The following NWD2 variants were observed in gnomAD, a reference collection of about 807,000 sequenced individuals.
NWD2 encodes the protein NACHT and WD repeat domain containing 2.
NWD2 carries 37 observed loss-of-function variants against 132.7 expected under a neutral mutation model. That is an observed-to-expected ratio of 0.28 (90% CI 0.21 to 0.37). The LOEUF is 0.37. NWD2 is among the 10% of genes least tolerant of loss of function. The pLI, the probability that NWD2 is intolerant of heterozygous loss-of-function variation, is 1.00. For synonymous variants in NWD2, 705 were observed against 803.0 expected, an observed-to-expected ratio of 0.88 and a Z score of 2.06; for missense variants, 1,592 against 2,122.4, an observed-to-expected ratio of 0.75 and a Z score of 4.91.
intron 1 of NWD2, among the ~76,000 whole-genome samples, chr4:37,257,857 A>G (rs2109257858): frequency 6.6e-6 from 1 of 152,364 alleles, no homozygotes; most frequent in East Asian, 1.9e-4. Context: ...TCAAAAAGCT[A>G]CCTACCAAAA....
At chr4:37,434,830 GA>G (rs1712274553) in intron 5 of NWD2, among the ~76,000 whole-genome samples, 1 of 149,884 alleles carries the variant, frequency 6.7e-6, no homozygotes, top group Non-Finnish European at 1.5e-5. Flanking sequence ...GATGAGGATA[GA>G]AGTTGGGCAC....
rs1433490541 is a variant in NWD2, at chr4:37,443,900, G to A, written c.1912G>A (p.Val638Ile). ...CGATGAATCCTCCCTCTCTGTCACC[G>A]TTCATGAAAGTATAGAGCAGTTATT... ...DVDESSLSVT[V>I]HESIEQLFWS... Residue 638 changes from valine (V) to isoleucine (I), a missense_variant, in exon 7 of 7, where the codon GTT (valine) becomes ATT (isoleucine). Coordinates refer to ENST00000309447, the MANE Select transcript of NWD2 (RefSeq NM_001144990.2). The surrounding 1 kb of genome is among the most constrained non-coding windows in gnomAD (Gnocchi z 4.1). 6.8e-5 allele frequency: 106 copies of A among 1,552,334 alleles called. No individual in the cohort carries two copies. The highest frequency in any genetic ancestry group is 7.8e-5 in the Non-Finnish European group (90 of 1,147,144).
At chr4:37,250,441 G>A (rs1295835735) in intron 1 of NWD2, among the ~76,000 whole-genome samples, 1 of 152,156 alleles carries the variant, frequency 6.6e-6, no homozygotes, top group Non-Finnish European at 1.5e-5. Context: ...GTGATTTCTT[G>A]AGCAAGTTGC....
chr4:37,427,889 T>C (rs1712052098), intron 3 of NWD2, among the ~76,000 whole-genome samples: 1 of 152,212 alleles, frequency 6.6e-6, no homozygotes, highest in Non-Finnish European at 1.5e-5. Flanking sequence ...GAATTGAGTA[T>C]TGCTCACAAA....
chr4:37,339,183 C>T (rs370536854), intron 2 of NWD2, among the ~76,000 whole-genome samples: 5 of 152,302 alleles, frequency 3.3e-5, no homozygotes, highest in Middle Eastern at 3.4e-3. Flanking sequence ...GTTACATCAT[C>T]CTTCTCCCAT....
At chr4:37,304,962 A>C (rs1363908996) in intron 1 of NWD2, among the ~76,000 whole-genome samples, 4 of 152,194 alleles carry the variant, frequency 2.6e-5, no homozygotes, top group African/African-American at 9.6e-5. Context: ...GAGGTTCTCC[A>C]TGAGGGCCCC....
chr4:37,388,843 C>A (rs1720625407), intron 3 of NWD2, among the ~76,000 whole-genome samples: 1 of 150,816 alleles, frequency 6.6e-6, no homozygotes, highest in Admixed American at 6.6e-5. Context: ...TTTCCATTAC[C>A]CCAGACACTC....
At chr4:37,249,540 C>T (rs1009351735) in intron 1 of NWD2, among the ~76,000 whole-genome samples, 18 of 152,086 alleles carry the variant, frequency 1.2e-4, no homozygotes, top group African/African-American at 2.7e-4. Flanking sequence ...GGCAATTTTA[C>T]GAGAAAGAAA....
chr4:37,386,210 A>G (rs1560409738), intron 3 of NWD2, among the ~76,000 whole-genome samples: 1 of 152,172 alleles, frequency 6.6e-6, no homozygotes, highest in Non-Finnish European at 1.5e-5. Flanking sequence ...AACTCTGCTA[A>G]TGTTGTCTAG....
At chr4:37,354,681 A>G (rs1327220077) in intron 2 of NWD2, among the ~76,000 whole-genome samples, 1 of 152,210 alleles carries the variant, frequency 6.6e-6, no homozygotes, top group Non-Finnish European at 1.5e-5. Flanking sequence ...TGAGGGAGAC[A>G]CTTCCTCAGC....
chr4:37,299,719 G>A (rs771607331), intron 1 of NWD2, among the ~76,000 whole-genome samples: 2 of 152,124 alleles, frequency 1.3e-5, no homozygotes, highest in Non-Finnish European at 2.9e-5. Flanking sequence ...GGTGAACCAG[G>A]TACAAGTAAT....
intron 2 of NWD2, among the ~76,000 whole-genome samples, chr4:37,348,667 T>TAC (rs1424442171): frequency 2.9e-4 from 21 of 71,792 alleles, no homozygotes; most frequent in African/African-American, 1.1e-3. Flanking sequence ...TATATATATA[T>TAC]ATATATATAC....
chr4:37,282,748 C>T (rs1401783401), intron 1 of NWD2, among the ~76,000 whole-genome samples: 1 of 152,168 alleles, frequency 6.6e-6, no homozygotes, highest in African/African-American at 2.4e-5. Context: ...AAAGCTACAC[C>T]ATGAGTATCC....
At position 37,429,880 on chromosome 4, in the gene NWD2, C is replaced by T. The variant is rs138976733; in HGVS notation, c.358-692C>T. Among the ~76,000 whole-genome samples, 448 of 152,230 alleles carry T rather than the reference C, an allele frequency of 2.9e-3. 3 individuals carry two copies. Among genetic ancestry groups the T allele is most frequent in the Admixed American group, 6.5e-3 (99 of 15,296 alleles). Reference sequence around the variant, plus strand: ...TAAAAAGTTATATAGATTTTTAGGGCTCTGAATACATATTGCCTGATTAGG... The same window carrying T: ...TAAAAAGTTATATAGATTTTTAGGGTTCTGAATACATATTGCCTGATTAGG... On this transcript the variant is annotated intron_variant, in intron 3 of 6. Transcript: ENST00000309447.
intron 4 of NWD2, among the ~76,000 whole-genome samples, chr4:37,431,715 CA>C (rs773557804): frequency 7.9e-5 from 12 of 152,186 alleles, no homozygotes; most frequent in Non-Finnish European, 1.8e-4. Context: ...ATACATAGAT[CA>C]AAACATCACA....
chr4:37,266,555 C>A (rs1717755993), intron 1 of NWD2, among the ~76,000 whole-genome samples: 2 of 152,016 alleles, frequency 1.3e-5, no homozygotes, highest in South Asian at 4.1e-4. Context: ...GGTCACATGT[C>A]CAACCCTTAG....
At chr4:37,425,865 A>G (rs747643232) in intron 3 of NWD2, among the ~76,000 whole-genome samples, 1 of 152,204 alleles carries the variant, frequency 6.6e-6, no homozygotes. Flanking sequence ...TGGCTGCCCT[A>G]AAGTCATTCA....
chr4:37,285,283 CAT>C (rs1474777862), intron 1 of NWD2, among the ~76,000 whole-genome samples: 5 of 152,034 alleles, frequency 3.3e-5, no homozygotes, highest in African/African-American at 7.2e-5. Context: ...TTATCTCTAA[CAT>C]GTGTTCCCTG....
chr4:37,245,532 A>T, intron 1 of NWD2, among the ~76,000 whole-genome samples: 1 of 129,308 alleles, frequency 7.7e-6, no homozygotes. Context: ...CGCCACCACC[A>T]CCTCCTGTCC....
Sources: gnomAD v4.1 joint callset for allele counts (sites outside exome capture counted in the v4.1 genomes callset) on GRCh38, gnomAD v4.1.1 for gene constraint, Gnocchi (gnomAD v3.1) non-coding constraint, MANE v1.5 for transcripts, NCBI Gene and HGNC (gene_info 2026-07-23, HGNC 2026-07-21) for gene names.